S100Z: variants seen among roughly 807,000 people sequenced by gnomAD.
The protein encoded by S100Z is S100 calcium binding protein Z, also known as protein S100-Z.
A neutral mutation model predicts 8.5 loss-of-function variants in S100Z; 11 were observed. That is an observed-to-expected ratio of 1.30 (90% CI 0.82 to 2.15). The LOEUF is 2.15. Ranked by LOEUF, S100Z falls within the 30% of genes most tolerant of loss-of-function variation. The probability of loss-of-function intolerance (pLI) is 0.00; values close to 1 mark genes in which losing one functional copy is unlikely to be tolerated. For missense variants in S100Z, 126 were observed against 117.9 expected (o/e 1.07, Z -0.32); for synonymous variants, 34 against 43.8 (o/e 0.78, Z 0.89).
chr5:76,928,597 CAGA>C, the S100Z span, among the ~76,000 whole-genome samples: 45 of 152,296 alleles, frequency 3.0e-4, no homozygotes, highest in East Asian at 3.5e-3. Context: ...CTTAAAATGA[CAGA>C]AGATTAGTTG....
chr5:76,950,594 C>T, the S100Z span, among the ~76,000 whole-genome samples: 962 of 152,194 alleles, frequency 6.3e-3, 9 homozygotes, highest in African/African-American at 0.022. Context: ...AACACCTATC[C>T]GGGACTGTAT....
intron 1 of S100Z, among the ~76,000 whole-genome samples, chr5:76,859,838 G>A (rs1228684741): frequency 6.6e-6 from 1 of 150,602 alleles, no homozygotes; most frequent in East Asian, 1.9e-4. Flanking sequence ...CCCAACTCCA[G>A]GGAAACCATC....
the S100Z span, among the ~76,000 whole-genome samples, chr5:76,946,603 T>A: frequency 1.4e-4 from 21 of 152,214 alleles, no homozygotes; most frequent in Admixed American, 9.2e-4. Flanking sequence ...TATGAAGTCA[T>A]TCCTTCTAAT....
At chr5:76,867,770 T>G (rs1479851432) in intron 1 of S100Z, among the ~76,000 whole-genome samples, 1 of 151,934 alleles carries the variant, frequency 6.6e-6, no homozygotes, top group African/African-American at 2.4e-5. Context: ...TTAGTAGAGA[T>G]GGGGTTTCGC....
intron 2 of S100Z, among the ~76,000 whole-genome samples, chr5:76,871,568 C>G (rs1743011772): frequency 6.7e-6 from 1 of 148,312 alleles, no homozygotes; most frequent in Non-Finnish European, 1.5e-5. Context: ...TATCACCCAC[C>G]CTGGAGGGCA....
intron 2 of S100Z, among the ~76,000 whole-genome samples, chr5:76,872,012 G>A (rs1743026569): frequency 6.6e-6 from 1 of 152,216 alleles, no homozygotes; most frequent in Non-Finnish European, 1.5e-5. Context: ...TAAGGCAGGA[G>A]GATCACTTGA....
chr5:76,922,917 C>T, downstream of S100Z, among the ~76,000 whole-genome samples: 1 of 151,850 alleles, frequency 6.6e-6, no homozygotes, highest in South Asian at 2.1e-4. Flanking sequence ...AATTTGTATG[C>T]CTTTTTTCCC....
intron 1 of S100Z, among the ~76,000 whole-genome samples, chr5:76,855,429 A>G (rs148251488): frequency 6.6e-6 from 1 of 152,194 alleles, no homozygotes; most frequent in African/African-American, 2.4e-5. Context: ...AGGCCTTCGG[A>G]GTCCACCCCT....
intron 4 of S100Z, among the ~76,000 whole-genome samples, chr5:76,911,416 T>A (rs142048041): frequency 0.088 from 13,333 of 152,192 alleles, 1,768 homozygotes; most frequent in African/African-American, 0.29. Context: ...AATGGTTCAC[T>A]GTTCTGGACC....
chr5:76,943,399 G>T, the S100Z span, among the ~76,000 whole-genome samples: 1 of 152,128 alleles, frequency 6.6e-6, no homozygotes, highest in African/African-American at 2.4e-5. Flanking sequence ...TTCTAACTTA[G>T]CCTAAGAGGT....
At chr5:76,933,361 G>A in the S100Z span, among the ~76,000 whole-genome samples, 2 of 152,196 alleles carry the variant, frequency 1.3e-5, no homozygotes, top group African/African-American at 4.8e-5. Context: ...GGAGTGAGAC[G>A]GCCTCTTCGA....
At chr5:76,929,186 T>C in the S100Z span, among the ~76,000 whole-genome samples, 26 of 152,290 alleles carry the variant, frequency 1.7e-4, no homozygotes, top group Middle Eastern at 6.8e-3. Context: ...TGGAAAAACA[T>C]AGGAAGAGGT....
At chr5:76,934,170 A>G in the S100Z span, among the ~76,000 whole-genome samples, 1 of 152,174 alleles carries the variant, frequency 6.6e-6, no homozygotes, top group Non-Finnish European at 1.5e-5. Context: ...ATCATCCTCT[A>G]CCAAGTGTTT....
intron 3 of S100Z, among the ~76,000 whole-genome samples, chr5:76,877,366 T>C (rs1027340883): frequency 6.6e-6 from 1 of 152,218 alleles, no homozygotes; most frequent in Non-Finnish European, 1.5e-5. Context: ...TATCTCCTAG[T>C]GTCCTGGCTC....
chr5:76,863,752 A>G (rs1224065289), intron 1 of S100Z, among the ~76,000 whole-genome samples: 1 of 151,930 alleles, frequency 6.6e-6, no homozygotes, highest in African/African-American at 2.4e-5. Flanking sequence ...GTTAGCCAGG[A>G]TGGTCTCGAT....
At chr5:76,924,467 C>T (rs1745100787), downstream of S100Z, among the ~76,000 whole-genome samples, 2 of 152,182 alleles carry the variant, frequency 1.3e-5, no homozygotes, top group Non-Finnish European at 1.5e-5. Context: ...ACAAGATTCT[C>T]CCTGTGATTA....
At chr5:76,860,370 CAG>C (rs1210483611) in intron 1 of S100Z, among the ~76,000 whole-genome samples, 1 of 152,052 alleles carries the variant, frequency 6.6e-6, no homozygotes, top group Non-Finnish European at 1.5e-5. Flanking sequence ...ATTTCAAAGA[CAG>C]AAAACTTTTA....
intron 2 of S100Z, among the ~76,000 whole-genome samples, chr5:76,873,497 AG>A (rs1743079423): frequency 6.6e-6 from 1 of 152,004 alleles, no homozygotes. Flanking sequence ...TAGTAGAGAC[AG>A]GGTTTCACCA....
chr5:76,943,385 T>G, the S100Z span, among the ~76,000 whole-genome samples: 355 of 152,318 alleles, frequency 2.3e-3, no homozygotes, highest in African/African-American at 8.0e-3. Flanking sequence ...GCATTTTGCT[T>G]TTTTTCTAAC....
Sources: allele counts gnomAD v4.1 joint callset (sites outside exome capture counted in the v4.1 genomes callset), GRCh38; gene constraint gnomAD v4.1.1; transcripts MANE v1.5; gene names NCBI Gene and HGNC (gene_info 2026-07-23, HGNC 2026-07-21).